SOD2: variants seen among roughly 807,000 people sequenced by gnomAD.
SOD2 encodes the protein superoxide dismutase 2, also known as superoxide dismutase [Mn], mitochondrial.
SOD2 carries 11 observed loss-of-function variants against 27.0 expected under a neutral mutation model. The observed-to-expected ratio is 0.41, with a 90% confidence interval of 0.26 to 0.67. SOD2 has a LOEUF of 0.67. Among genes scored for constraint, SOD2 ranks in the 30% least tolerant of loss-of-function variants. The pLI, the probability that SOD2 is intolerant of heterozygous loss-of-function variation, is 0.34. For synonymous variants in SOD2, 105 were observed against 103.0 expected (o/e 1.02, Z -0.12); for missense variants, 250 against 274.5 (o/e 0.91, Z 0.63).
intron 1 of SOD2, among the ~76,000 whole-genome samples, chr6:159,732,850 T>TCC: frequency 6.8e-6 from 1 of 147,754 alleles, no homozygotes; most frequent in South Asian, 2.1e-4. Context: ...GTCTGCTTCT[T>TCC]TCTCTCTCTC....
At chr6:159,697,579 T>G (rs968400659), upstream of SOD2, among the ~76,000 whole-genome samples, 16 of 152,178 alleles carry the variant, frequency 1.1e-4, no homozygotes, top group African/African-American at 3.9e-4. Context: ...AGAACAAAAG[T>G]GTTCTGTTAA....
exon 1 of SOD2, chr6:159,762,082 A>G: frequency 2.5e-6 from 4 of 1,612,930 alleles, no homozygotes; most frequent in Non-Finnish European, 2.5e-6. Flanking sequence ...CGGCAGGAGA[A>G]GCAAGATGAA....
chr6:159,687,783 C>A (rs5746113), intron 3 of SOD2, among the ~76,000 whole-genome samples: 7,453 of 151,986 alleles, frequency 0.049, 223 homozygotes, highest in Middle Eastern at 0.1. Context: ...CCAAGGTGGG[C>A]AGATCATGAG....
intron 1 of SOD2, among the ~76,000 whole-genome samples, chr6:159,712,609 AGCTGCTCTGACCTCCATAAC>A (rs1777842215): frequency 1.4e-5 from 2 of 138,140 alleles, no homozygotes; most frequent in South Asian, 2.4e-4. Flanking sequence ...ACGACCACTC[AGCTGCTCTGACCTCCATAAC>A]CACCTCCATA....
intron 1 of SOD2, among the ~76,000 whole-genome samples, chr6:159,712,225 C>G (rs1485591238): frequency 1.5e-5 from 2 of 129,958 alleles, no homozygotes; most frequent in East Asian, 2.7e-4. Context: ...CCTCCATAAC[C>G]ACCACTCACA....
chr6:159,736,353 T>A (rs939168972), intron 1 of SOD2: 13 of 1,350,050 alleles, frequency 9.6e-6, no homozygotes, highest in Admixed American at 1.9e-5. Flanking sequence ...GGGGCTTTTT[T>A]AAGCACTTTA....
intron 1 of SOD2, chr6:159,727,009 C>A (rs1281111231): frequency 2.4e-6 from 3 of 1,248,884 alleles, no homozygotes; most frequent in African/African-American, 1.5e-5. Context: ...TCCCTCCGCA[C>A]GAGGCAGCCC....
upstream of SOD2, chr6:159,727,377 C>CGGGAGGCGGGAGGCGGGAGGCGGGAGGT (rs1778239966): frequency 1.9e-6 from 1 of 536,130 alleles, no homozygotes; most frequent in African/African-American, 2.3e-5. Context: ...GGGAGGCTGG[C>CGGGAGGCGGGAGGCGGGAGGCGGGAGGT]GGGAGGCGGG....
rs1779807256 is a variant in SOD2 at position 159,677,623 on chromosome 6, T to C, written c.*4870A>G. The C allele has an allele frequency of 6.6e-6, 1 of 152,168 alleles. No individual in the cohort carries two copies. Among genetic ancestry groups the C allele is most frequent in the African/African-American group, 2.4e-5 (1 of 41,432 alleles). 9.4% of individuals were successfully genotyped at this position (152,168 alleles called of 1,614,324 possible). On this transcript the variant is annotated 3_prime_UTR_variant, in exon 5 of 5. Transcript: ENST00000538183. ...TCTGTGGTTGGTTAATGTTCTAAGA[T>C]GTTACAAGAACTTTAAGAGACAGGG...
chr6:159,697,507 C>T (rs1037160385), upstream of SOD2, among the ~76,000 whole-genome samples: 1 of 152,058 alleles, frequency 6.6e-6, no homozygotes, highest in Admixed American at 6.5e-5. Context: ...GGCAAAATTA[C>T]GATTAGATTG....
At chr6:159,691,271 T>C (rs1000205665) in intron 2 of SOD2, 13 of 152,218 alleles carry the variant, frequency 8.5e-5, no homozygotes, top group Non-Finnish European at 1.8e-4. Context: ...CCCCATTACA[T>C]GTTTCCCAAA....
intron 1 of SOD2, among the ~76,000 whole-genome samples, chr6:159,710,354 C>T (rs1452570880): frequency 6.6e-6 from 1 of 151,366 alleles, no homozygotes; most frequent in East Asian, 1.9e-4. Flanking sequence ...GAGGCTGAGG[C>T]AGGAGAAATC....
At chr6:159,736,046 A>G (rs1452913624) in intron 1 of SOD2, among the ~76,000 whole-genome samples, 1 of 152,206 alleles carries the variant, frequency 6.6e-6, no homozygotes, top group African/African-American at 2.4e-5. Flanking sequence ...TTAACAAAGG[A>G]AGATCTGGGT....
At chr6:159,727,336 G>A (rs887182097) in exon 1 of SOD2, 1 of 1,272,348 alleles carries the variant, frequency 7.9e-7, no homozygotes, top group Non-Finnish European at 1.0e-6. Flanking sequence ...ACTCTCCTGT[G>A]AGTGGGCCAG....
At chr6:159,724,119 C>T (rs1161712574) in intron 1 of SOD2, among the ~76,000 whole-genome samples, 1 of 151,620 alleles carries the variant, frequency 6.6e-6, no homozygotes, top group Non-Finnish European at 1.5e-5. Context: ...TTAGTTTCCA[C>T]CCCCACCCCC....
chr6:159,697,958 G>A (rs920144307), upstream of SOD2, among the ~76,000 whole-genome samples: 1 of 152,152 alleles, frequency 6.6e-6, no homozygotes, highest in Non-Finnish European at 1.5e-5. Context: ...TGGCCAACAT[G>A]GTGAAACCCC....
chr6:159,745,434 C>T (rs971279363), upstream of SOD2, among the ~76,000 whole-genome samples: 6 of 151,572 alleles, frequency 4.0e-5, no homozygotes, highest in Admixed American at 1.3e-4. Context: ...TAACCTTTTC[C>T]AGCTTTTTTT....
chr6:159,703,385 TG>T (rs1416502216), intron 1 of SOD2, among the ~76,000 whole-genome samples: 5 of 144,914 alleles, frequency 3.5e-5, no homozygotes, highest in African/African-American at 1.3e-4. Flanking sequence ...GCTTACTACA[TG>T]GAAGTTGAGG....
chr6:159,691,609 TAA>T (rs1450807059), intron 2 of SOD2: 1 of 151,582 alleles, frequency 6.6e-6, no homozygotes, highest in African/African-American at 2.4e-5. Context: ...ACGAATAAAT[TAA>T]AAAGACAATA....
Sources: allele counts gnomAD v4.1 joint callset (sites outside exome capture counted in the v4.1 genomes callset), GRCh38; gene constraint gnomAD v4.1.1; transcripts MANE v1.5; gene names NCBI Gene and HGNC (gene_info 2026-07-23, HGNC 2026-07-21).